ECHDC1: variants seen among roughly 807,000 people sequenced by gnomAD.
ECHDC1 encodes ethylmalonyl-CoA decarboxylase 1, also known as ethylmalonyl-CoA decarboxylase.
A neutral mutation model predicts 29.7 loss-of-function variants in ECHDC1; 29 were observed. The ratio of observed to expected loss-of-function variants is 0.98; its 90% CI spans 0.73 to 1.33. The LOEUF is 1.33. ECHDC1 is among the 40% of genes most tolerant of loss of function. ECHDC1 has a pLI of 0.00. For missense variants in ECHDC1, 328 were observed against 350.0 expected (o/e 0.94, Z 0.50); for synonymous variants, 126 against 123.1 (o/e 1.02, Z -0.15).
At chr6:127,338,165 G>C (rs531473223) in intron 1 of ECHDC1, among the ~76,000 whole-genome samples, 1 of 152,292 alleles carries the variant, frequency 6.6e-6, no homozygotes, top group Non-Finnish European at 1.5e-5. Flanking sequence ...CATATGTTAA[G>C]AGCATTTGGT....
chr6:127,325,620 T>C (rs1783255309), intron 3 of ECHDC1, among the ~76,000 whole-genome samples: 1 of 152,054 alleles, frequency 6.6e-6, no homozygotes, highest in Non-Finnish European at 1.5e-5. Flanking sequence ...TGTGTATGTG[T>C]AACAAGAACA....
chr6:127,331,872 GA>G, intron 1 of ECHDC1: 6 of 985,336 alleles, frequency 6.1e-6, no homozygotes, highest in Non-Finnish European at 6.0e-6. Context: ...AGGGTCCTAA[GA>G]AAAATGGGGA....
chr6:127,316,082 C>T (rs1314115879), intron 4 of ECHDC1: 16 of 471,418 alleles, frequency 3.4e-5, no homozygotes, highest in Non-Finnish European at 6.6e-5. Flanking sequence ...ACACATTCTA[C>T]TAATTTGGAA....
chr6:127,304,910 A>G (rs1372166760), intron 5 of ECHDC1, among the ~76,000 whole-genome samples: 1 of 152,212 alleles, frequency 6.6e-6, no homozygotes, highest in Non-Finnish European at 1.5e-5. Flanking sequence ...CCTACAGGAT[A>G]TAGAAAATAG....
rs750687297 is a variant in ECHDC1 at position 127,316,479 on chromosome 6, G to A, written c.387C>T (p.Phe129=). Residue 129 remains phenylalanine, a synonymous_variant, in exon 4 of 6, where the codon TTC becomes TTT. Transcript: ENST00000454859. ...TPEDGMAVCM[F]MQNTLTRFMR... ...TAAATCTTGTTAAGGTGTTTTGCAT[G>A]AACATGCATACGGCCATTCCATCCT... 12 of 1,606,346 alleles carry A rather than the reference G, an allele frequency of 7.5e-6. No individual in the cohort carries two copies. The highest frequency in any genetic ancestry group is 1.0e-5 in the Non-Finnish European group (12 of 1,176,686).
At chr6:127,305,718 T>C (rs1437580321) in intron 5 of ECHDC1, among the ~76,000 whole-genome samples, 1 of 152,190 alleles carries the variant, frequency 6.6e-6, no homozygotes, top group Non-Finnish European at 1.5e-5. Context: ...CAAACAATGT[T>C]CAGTTGTTAT....
chr6:127,313,801 A>G (rs927295559), intron 5 of ECHDC1, among the ~76,000 whole-genome samples: 1 of 152,230 alleles, frequency 6.6e-6, no homozygotes, highest in African/African-American at 2.4e-5. Context: ...TGTATAAGAT[A>G]ATCTTAAAAC....
chr6:127,322,646 G>GTATATATATATATA (rs60212728), intron 3 of ECHDC1, among the ~76,000 whole-genome samples: 30 of 149,234 alleles, frequency 2.0e-4, no homozygotes, highest in African/African-American at 7.4e-4. Context: ...ATATATGTGT[G>GTATATATATATATA]TATATATATA....
intron 1 of ECHDC1, among the ~76,000 whole-genome samples, chr6:127,339,199 T>C (rs906960201): frequency 1.3e-5 from 2 of 151,406 alleles, no homozygotes; most frequent in Non-Finnish European, 2.9e-5. Flanking sequence ...TTGACAAGTC[T>C]GGCAGCTAAG....
At chr6:127,331,304 C>A (rs575652476) in intron 1 of ECHDC1, among the ~76,000 whole-genome samples, 1 of 152,110 alleles carries the variant, frequency 6.6e-6, no homozygotes, top group East Asian at 1.9e-4. Context: ...CATGACCACG[C>A]CTGGCTAATT....
intron 5 of ECHDC1, among the ~76,000 whole-genome samples, chr6:127,291,131 C>A (rs998909775): frequency 1.3e-5 from 2 of 151,874 alleles, no homozygotes; most frequent in African/African-American, 4.8e-5. Context: ...CTTAACAGGC[C>A]TTAGTAAGGA....
chr6:127,302,952 T>C (rs1231638445), intron 5 of ECHDC1, among the ~76,000 whole-genome samples: 6 of 152,134 alleles, frequency 3.9e-5, no homozygotes, highest in Non-Finnish European at 1.5e-5. Context: ...CACTGTCATA[T>C]AAAATAACTT....
At chr6:127,312,223 C>A (rs1243223802) in intron 5 of ECHDC1, among the ~76,000 whole-genome samples, 4 of 152,066 alleles carry the variant, frequency 2.6e-5, no homozygotes, top group African/African-American at 9.7e-5. Context: ...ATATAAAAAA[C>A]TCCTACAGTT....
chr6:127,313,722 C>A, intron 5 of ECHDC1: 2 of 349,516 alleles, frequency 5.7e-6, no homozygotes, highest in Non-Finnish European at 1.2e-5. Context: ...GAAAAACATC[C>A]CAAATGAAAA....
chr6:127,312,153 C>T (rs527418643), intron 5 of ECHDC1, among the ~76,000 whole-genome samples: 4 of 152,118 alleles, frequency 2.6e-5, no homozygotes, highest in African/African-American at 4.8e-5. Flanking sequence ...CATAGACACA[C>T]GAGCATACTT....
chr6:127,313,401 C>T (rs933979094), intron 5 of ECHDC1: 4 of 307,140 alleles, frequency 1.3e-5, no homozygotes, highest in Non-Finnish European at 2.0e-5. Flanking sequence ...TAGGGTTTCA[C>T]CATGTTGGCC....
intron 3 of ECHDC1, among the ~76,000 whole-genome samples, chr6:127,318,584 A>G (rs1250479440): frequency 1.3e-5 from 2 of 152,210 alleles, no homozygotes; most frequent in Admixed American, 6.5e-5. Flanking sequence ...AAGAGTGTCA[A>G]AGAAGAAATT....
intron 1 of ECHDC1, among the ~76,000 whole-genome samples, chr6:127,341,934 A>T (rs145414544): frequency 6.6e-6 from 1 of 152,382 alleles, no homozygotes; most frequent in Non-Finnish European, 1.5e-5. Flanking sequence ...GTAGGCTGTC[A>T]TAACATAAAC....
At position 127,330,816 on chromosome 6, in the gene ECHDC1, G is replaced by A. The variant is rs941329337; in HGVS notation, c.213C>T (p.Ala71=). The change falls in exon 2 of 6, where the codon GCC becomes GCT. Residue 71 remains alanine, a synonymous_variant. Coordinates refer to ENST00000454859, the MANE Select transcript of ECHDC1 (RefSeq NM_001002030.2). The part of the protein sequence containing the change: ...LTLNNPSRMN[A]FSGVMMLQLL... ...TAAAAAGATCCCTAATACCTGAAAA[G>A]GCATTCATTCTACTTGGATTGTTCA... The A allele has an allele frequency of 1.2e-6, 2 of 1,612,630 alleles. No homozygotes were observed. The highest frequency in any genetic ancestry group is 8.5e-7 in the Non-Finnish European group (1 of 1,179,094).
Sources: allele counts gnomAD v4.1 joint callset (sites outside exome capture counted in the v4.1 genomes callset), GRCh38; gene constraint gnomAD v4.1.1; transcripts MANE v1.5; gene names NCBI Gene and HGNC (gene_info 2026-07-23, HGNC 2026-07-21).